The following LDHA variants were observed in gnomAD, a reference collection of about 807,000 sequenced individuals.
The protein encoded by LDHA is lactate dehydrogenase A, also known as L-lactate dehydrogenase A chain.
In LDHA, 10 loss-of-function variants were observed where a neutral mutation model predicts 36.3. The ratio of observed to expected loss-of-function variants is 0.28; its 90% confidence interval spans 0.17 to 0.47. LDHA has a LOEUF of 0.47. Among genes scored for constraint, LDHA ranks in the 20% least tolerant of loss-of-function variants. The pLI is 0.99. For missense variants in LDHA, 267 were observed against 405.8 expected (o/e 0.66, Z 2.94); for synonymous variants, 110 against 136.7 (o/e 0.80, Z 1.36).
In LDHA at chr11:18,402,942, TGGGGGAAA is replaced by T; in HGVS notation, c.524_531del (p.Gly175AlafsTer44). ...GATTCAGCCCGATTCCGTTACCTAA[TGGGGGAAA>T]GGCTGGGAGTTCACCCATTAAGCTG... On this transcript the variant is annotated frameshift_variant, in exon 5 of 8. Coordinates refer to ENST00000422447, the MANE Select transcript of LDHA (RefSeq NM_005566.4). LOFTEE classifies it high-confidence loss of function. 6.2e-7 allele frequency: 1 copy of T among 1,612,154 alleles called. No individual in the cohort carries two copies. The highest frequency in any genetic ancestry group is 8.5e-7 in the Non-Finnish European group (1 of 1,178,226).
chr11:18,396,573 C>CTTACA, intron 1 of LDHA: 1 of 1,386,770 alleles, frequency 7.2e-7, no homozygotes, highest in Admixed American at 3.4e-5. Context: ...GGAGGCTATA[C>CTTACA]TTACACCCAA....
Position 18,403,756 on chromosome 11 carries a change from G to C in LDHA, c.655G>C (p.Gly219Arg). 1.2e-6 allele frequency: 2 copies of C among 1,612,126 alleles called. No individual in the cohort carries two copies. The highest frequency in any genetic ancestry group is 1.7e-6 in the Non-Finnish European group (2 of 1,178,168). Residue 219 changes from glycine to arginine, a missense_variant, in exon 6 of 8, where the codon GGG (glycine) becomes CGG (arginine). Physicochemically the swap from Gly to Arg is moderately radical, Grantham distance 125. Coordinates refer to ENST00000422447, the MANE Select transcript of LDHA (RefSeq NM_005566.4). ...TCTGAAGACTCTGCACCCAGATTTA[G>C]GGACTGATAAAGATAAGGAACAGTG... ...VSLKTLHPDL[G>R]TDKDKEQWKE...
rs1866327436 is a variant in LDHA, at chr11:18,396,979, G to A, written c.126+11G>A. On this transcript the variant is annotated intron_variant, in intron 2 of 7. Transcript: ENST00000422447. ...AGTATCTTAATGAAGGTAAGTGAGAGTCTACCACACTGGAAGCCCATACCT... is the reference window on the plus strand; with the variant it reads ...AGTATCTTAATGAAGGTAAGTGAGAATCTACCACACTGGAAGCCCATACCT... The A allele has an allele frequency of 1.2e-6, 2 of 1,613,822 alleles. No individual in the cohort carries two copies. Among genetic ancestry groups the A allele is most frequent in the South Asian group, 1.1e-5 (1 of 91,074 alleles).
Position 18,407,422 on chromosome 11 carries a change from A to G in LDHA, c.*141A>G. 1 of 1,513,604 alleles carries G rather than the reference A, an allele frequency of 6.6e-7. No individual in the cohort carries two copies. The highest frequency in any genetic ancestry group is 1.4e-5 in the African/African-American group (1 of 72,302). 93.8% of individuals were successfully genotyped at this position (1,513,604 alleles called of 1,614,324 possible). A position where few individuals can be genotyped will look rare whatever the true frequency, so the allele number is the denominator to read the frequency against. On this transcript the variant is annotated 3_prime_UTR_variant, in exon 8 of 8. Transcript: ENST00000422447. Reference sequence around the variant, plus strand: ...GACTGGGAAAAACATCAACTCCTGAAGTTAGAAATAAGAATGGTTTGTAAA... The same window carrying G: ...GACTGGGAAAAACATCAACTCCTGAGGTTAGAAATAAGAATGGTTTGTAAA...
chr11:18,401,473 C>CTTTTATTTTTTTTTT (rs1866494734), intron 4 of LDHA, among the ~76,000 whole-genome samples: 1 of 68,588 alleles, frequency 1.5e-5, no homozygotes, highest in African/African-American at 5.9e-5. Context: ...ATTTATTTTT[C>CTTTTATTTTTTTTTT]TTTTTTTTTT....
intron 3 of LDHA, 99 bp from the exon 4 acceptor site, chr11:18,400,738 C>G (rs1202296098): frequency 1.1e-5 from 9 of 834,112 alleles, no homozygotes; most frequent in Non-Finnish European, 1.8e-5. Context: ...ACTCTAAGAA[C>G]AAGAAAGGTT....
chr11:18,396,212 C>T (rs1342600629), intron 1 of LDHA: 3 of 269,536 alleles, frequency 1.1e-5, no homozygotes, highest in Non-Finnish European at 2.1e-5. Flanking sequence ...GCCCTGCGCG[C>T]TGTAATGCGC....
chr11:18,399,663 C>A, intron 3 of LDHA, 115 bp downstream of exon 3: 1 of 793,000 alleles, frequency 1.3e-6, no homozygotes, highest in Non-Finnish European at 2.2e-6. Flanking sequence ...CTCACCACAG[C>A]CTCGAACCCT....
intron 1 of LDHA, 142 bp from the exon 2 acceptor site, chr11:18,396,677 G>T: frequency 5.1e-6 from 7 of 1,371,714 alleles, no homozygotes; most frequent in Non-Finnish European, 6.8e-6. Context: ...CAACCATTAG[G>T]TTTTTTCCCC....
chr11:18,395,384 G>T (rs1233851410), intron 1 of LDHA: 2 of 152,616 alleles, frequency 1.3e-5, no homozygotes, highest in East Asian at 3.9e-4. Flanking sequence ...GGAGGCAGAG[G>T]TGAGGTGTAG....
chr11:18,397,762 GATAGCA>G (rs1866350730), intron 2 of LDHA, among the ~76,000 whole-genome samples: 1 of 152,000 alleles, frequency 6.6e-6, no homozygotes, highest in South Asian at 2.1e-4. Context: ...AGTGACCCGA[GATAGCA>G]CCACTCCACT....
intron 2 of LDHA, 156 bp from the exon 3 acceptor site, chr11:18,399,275 C>A: frequency 1.6e-6 from 1 of 642,428 alleles, no homozygotes; most frequent in South Asian, 1.7e-5. Context: ...TGTAAGTCAG[C>A]TTTTGAAATG....
At position 18,396,894 on chromosome 11, in the gene LDHA, A is replaced by AC. The variant is rs755321617; in HGVS notation, c.58dup (p.Gln20ProfsTer3). ...TTATAATCTTCTAAAGGAAGAACAGACCCCCCAGAATAAGATTACAGTTGT... is the reference window on the plus strand; with the variant it reads ...TTATAATCTTCTAAAGGAAGAACAGACCCCCCCAGAATAAGATTACAGTTGT... On this transcript the variant is annotated frameshift_variant, in exon 2 of 8. Coordinates refer to ENST00000422447, the MANE Select transcript of LDHA (RefSeq NM_005566.4). LOFTEE classifies it high-confidence loss of function. 4.3e-6 allele frequency: 7 copies of AC among 1,613,444 alleles called. No individual in the cohort carries two copies. The highest frequency in any genetic ancestry group is 1.3e-5 in the African/African-American group (1 of 74,952).
At chr11:18,397,236 T>C (rs954121175) in intron 2 of LDHA, 1 of 288,734 alleles carries the variant, frequency 3.5e-6, no homozygotes. Flanking sequence ...TGACTACCAA[T>C]GAAAAGGAAG....
At chr11:18,401,921 G>C (rs564615873) in intron 4 of LDHA, among the ~76,000 whole-genome samples, 2 of 144,128 alleles carry the variant, frequency 1.4e-5, no homozygotes, top group African/African-American at 5.0e-5. Flanking sequence ...CAAGATCTTG[G>C]ATAAGGGATA....
In LDHA at chr11:18,403,683, ATTTCTT is replaced by A; in HGVS notation, c.593-8_593-3del. ...CATGAAAATAAATGTAGTCTGTACT[ATTTCTT>A]TTAGTGCCTGTATGGAGTGGAATGA... On this transcript the variant is annotated splice_polypyrimidine_tract_variant and splice_region_variant and intron_variant, in intron 5 of 7. Coordinates refer to ENST00000422447, the MANE Select transcript of LDHA (RefSeq NM_005566.4). The A allele has an allele frequency of 3.5e-6, 5 of 1,448,884 alleles. No homozygotes were observed. The highest frequency in any genetic ancestry group is 4.9e-6 in the Non-Finnish European group (5 of 1,029,634). The allele number at this position is 1,448,884 out of a possible 1,614,324, so 89.8% of individuals were successfully genotyped here. A position where few individuals can be genotyped will look rare whatever the true frequency, so the allele number is the denominator to read the frequency against.
chr11:18,405,694 C>T, intron 7 of LDHA, 122 bp downstream of exon 7: 1 of 1,102,262 alleles, frequency 9.1e-7, no homozygotes, highest in Non-Finnish European at 1.4e-6. Flanking sequence ...AATTAATGTA[C>T]CCACAGCTTA....
intron 1 of LDHA, 147 bp downstream of exon 1, chr11:18,394,783 G>T (rs1866233717): frequency 2.5e-6 from 1 of 392,192 alleles, no homozygotes; most frequent in Non-Finnish European, 5.2e-6. Flanking sequence ...GCCCAGAGAC[G>T]TCTGGGCGGC....
chr11:18,399,933 C>G, intron 3 of LDHA: 1 of 196,330 alleles, frequency 5.1e-6, no homozygotes, highest in South Asian at 8.9e-5. Flanking sequence ...AATCCTAGCT[C>G]TTTAAAGATT....
Sources: allele counts gnomAD v4.1 joint callset (sites outside exome capture counted in the v4.1 genomes callset), GRCh38; gene constraint gnomAD v4.1.1; transcripts MANE v1.5; gene names NCBI Gene and HGNC (gene_info 2026-07-23, HGNC 2026-07-21).